KCNA3: variants seen among roughly 807,000 people sequenced by gnomAD.
KCNA3 encodes potassium voltage-gated channel subfamily A member 3.
A neutral mutation model predicts 34.3 loss-of-function variants in KCNA3; 18 were observed. The ratio of observed to expected loss-of-function variants is 0.52; its 90% CI spans 0.36 to 0.78. The LOEUF (loss-of-function observed/expected upper bound fraction) is 0.78, where lower values mean the gene tolerates loss of function less well. Ranked by LOEUF, KCNA3 falls within the 30% of genes least tolerant of loss-of-function variation. KCNA3 has a pLI of 0.00. For synonymous variants in KCNA3, 324 were observed against 351.7 expected (o/e 0.92, Z 0.88); for missense variants, 587 against 802.5 (o/e 0.73, Z 3.24).
downstream of KCNA3, among the ~76,000 whole-genome samples, chr1:110,669,462 C>T (rs536839423): frequency 7.2e-5 from 11 of 152,166 alleles, no homozygotes; most frequent in African/African-American, 2.6e-4. Context: ...ATATTTGATG[C>T]TTATATTTGG....
the KCNA3 span, among the ~76,000 whole-genome samples, chr1:110,658,617 GAA>G: frequency 4.0e-5 from 6 of 151,698 alleles, no homozygotes; most frequent in Admixed American, 3.3e-4. Context: ...TTTTTTAATT[GAA>G]AAAGAGTTCC....
chr1:110,660,295 G>A, the KCNA3 span, among the ~76,000 whole-genome samples: 61 of 152,170 alleles, frequency 4.0e-4, 1 homozygote, highest in African/African-American at 1.3e-3. Flanking sequence ...GTCCAAACCA[G>A]TGTGATAGTT....
At chr1:110,658,955 A>G in the KCNA3 span, among the ~76,000 whole-genome samples, 1 of 152,186 alleles carries the variant, frequency 6.6e-6, no homozygotes, top group African/African-American at 2.4e-5. Flanking sequence ...AAAATAAAAG[A>G]ATGTTTAATC....
Position 110,674,138 on chromosome 1 carries a change from G to T in KCNA3, c.672C>A (p.Phe224Leu). The change falls in exon 1 of 1, where the codon TTC (phenylalanine) becomes TTA (leucine). Residue 224 changes from phenylalanine (F) to leucine (L), a missense_variant. Coordinates refer to ENST00000369769, the MANE Select transcript of KCNA3 (RefSeq NM_002232.5). The surrounding 1 kb of genome is among the most constrained non-coding windows in gnomAD (Gnocchi z 6.4). ...RDFQRQVWLL[F>L]EYPESSGPAR... ...CCGGCCCGGAGCTCTCGGGGTACTC[G>T]AAGAGCAGCCACACCTGGCGCTGGA... is the stretch of plus-strand genomic sequence containing the variant. 1 of 1,612,786 alleles carries T rather than the reference G, an allele frequency of 6.2e-7. No homozygotes were observed. Among genetic ancestry groups the T allele is most frequent in the Non-Finnish European group, 8.5e-7 (1 of 1,179,462 alleles).
rs763983910 is a variant in KCNA3 at position 110,674,115 on chromosome 1, G to T, written c.695C>A (p.Pro232Gln). ...GGACACGATGGCGATGCCCCGGGCCGGCCCGGAGCTCTCGGGGTACTCGAA... is the reference window on the plus strand; with the variant it reads ...GGACACGATGGCGATGCCCCGGGCCTGCCCGGAGCTCTCGGGGTACTCGAA... ...LLFEYPESSG[P>Q]ARGIAIVSVL... The change falls in exon 1 of 1, where the codon CCG becomes CAG. Residue 232 changes from proline (P) to glutamine (Q), a missense_variant. Pro to Gln is a moderately conservative substitution (Grantham distance 76, BLOSUM62 -1). Around this residue, in one of 7 missense-constraint regions of KCNA3, gnomAD observed 341 missense variants for 355.4 expected, o/e 0.96. Transcript: ENST00000369769. This position sits in a 1 kb window ranked among gnomAD's most constrained non-coding sequence, Gnocchi z 6.4. 1.2e-6 allele frequency: 2 copies of T among 1,611,526 alleles called. No homozygotes were observed. The highest frequency in any genetic ancestry group is 4.5e-5 in the East Asian group (2 of 44,818).
At position 110,673,409 on chromosome 1, in the gene KCNA3, G is replaced by A. The variant is rs547768613; in HGVS notation, c.1401C>T (p.Ala467=). 16 of 1,614,058 alleles carry A rather than the reference G, an allele frequency of 9.9e-6. No homozygotes were observed. The East Asian group carries it at 1.1e-4, about 11-fold the overall frequency. The change falls in exon 1 of 1, where the codon GCC becomes GCT. Residue 467 remains alanine (A), a synonymous_variant. Coordinates refer to ENST00000369769, the MANE Select transcript of KCNA3 (RefSeq NM_002232.5). This position sits in a 1 kb window ranked among gnomAD's most constrained non-coding sequence, Gnocchi z 8.8. ...GKIVGSLCAI[A]GVLTIALPVP... ...CTGGCAATGCGATGGTCAAGACACC[G>A]GCGATGGCACAGAGAGATCCCACAA...
the KCNA3 span, chr1:110,654,580 G>C: frequency 4.6e-5 from 7 of 152,152 alleles, no homozygotes; most frequent in Admixed American, 1.3e-4. Flanking sequence ...TCTGTGGTCA[G>C]GGTGTGCAAA....
downstream of KCNA3, among the ~76,000 whole-genome samples, chr1:110,671,834 A>G (rs1651900462): frequency 6.6e-6 from 1 of 152,224 alleles, no homozygotes; most frequent in Non-Finnish European, 1.5e-5. Flanking sequence ...ACTGTAGAGA[A>G]GCATCTTTAA....
chr1:110,674,157 C>T lies in KCNA3; in HGVS notation c.653G>A (p.Arg218His), dbSNP rs1651990934. 1.2e-6 allele frequency: 2 copies of T among 1,613,108 alleles called. No homozygotes were observed. Among genetic ancestry groups the T allele is most frequent in the East Asian group, 4.5e-5 (2 of 44,846 alleles). Residue 218 changes from arginine (R) to histidine (H), a missense_variant, in exon 1 of 1, where the codon CGC (arginine) becomes CAC (histidine). Arg to His is a conservative substitution (Grantham distance 29). Around this residue, in one of 7 missense-constraint regions of KCNA3, gnomAD observed 341 missense variants for 355.4 expected, o/e 0.96. Transcript: ENST00000369769. This position sits in a 1 kb window ranked among gnomAD's most constrained non-coding sequence, Gnocchi z 6.4. The part of the protein sequence containing the change: ...ERPLPRRDFQ[R>H]QVWLLFEYPE... Reference sequence around the variant, plus strand: ...GTACTCGAAGAGCAGCCACACCTGGCGCTGGAAGTCGCGGCGGGGCAAGGG... The same window carrying T: ...GTACTCGAAGAGCAGCCACACCTGGTGCTGGAAGTCGCGGCGGGGCAAGGG...
chr1:110,674,793 C>T lies in KCNA3; in HGVS notation c.17G>A (p.Ser6Asn), dbSNP rs938307946. MDERL[S>N]LLRSPPPPSA... is the part of the protein sequence containing the mutation. ...GGGCGGCGGCGGCGAGCGCAGAAGGCTGAGGCGCTCGTCCATGCGGCGGGG... is the reference window on the plus strand; with the variant it reads ...GGGCGGCGGCGGCGAGCGCAGAAGGTTGAGGCGCTCGTCCATGCGGCGGGG... The change falls in exon 1 of 1, where the codon AGC becomes AAC. Residue 6 changes from serine (S) to asparagine (N), a missense_variant. By Grantham distance (46) the Ser-to-Asn change is conservative. Transcript: ENST00000369769. The surrounding 1 kb of genome is among the most constrained non-coding windows in gnomAD (Gnocchi z 6.4). 2 of 1,324,008 alleles carry T rather than the reference C, an allele frequency of 1.5e-6. No homozygotes were observed. Among genetic ancestry groups the T allele is most frequent in the Non-Finnish European group, 9.6e-7 (1 of 1,043,582 alleles). 82.0% of individuals were successfully genotyped at this position (1,324,008 alleles called of 1,614,324 possible).
the KCNA3 span, among the ~76,000 whole-genome samples, chr1:110,665,253 C>A: frequency 6.6e-6 from 1 of 152,122 alleles, no homozygotes; most frequent in Non-Finnish European, 1.5e-5. Context: ...GAGGACCAAT[C>A]GGGAGGCTAC....
chr1:110,654,246 C>T, the KCNA3 span: 4 of 152,212 alleles, frequency 2.6e-5, no homozygotes, highest in Admixed American at 2.6e-4. Context: ...TGTTATCTAA[C>T]ACTTGATAAT....
In KCNA3 at chr1:110,673,214, G is replaced by A. The variant is rs1651952222; in HGVS notation, c.1596C>T (p.Ile532=). 6.2e-7 allele frequency: 1 copy of A among 1,613,944 alleles called. No individual in the cohort carries two copies. The highest frequency in any genetic ancestry group is 1.3e-5 in the African/African-American group (1 of 74,854). Residue 532 remains isoleucine, a synonymous_variant, in exon 1 of 1, where the codon ATC becomes ATT. Coordinates refer to ENST00000369769, the MANE Select transcript of KCNA3 (RefSeq NM_002232.5). This position sits in a 1 kb window ranked among gnomAD's most constrained non-coding sequence, Gnocchi z 8.8. The stretch of plus-strand genomic sequence containing the variant: ...CGCTATGGTTCATACCCCCCTCTTC[G>A]ATCACCATATACTCCGACTTACTCA... The part of the protein sequence containing the change: ...STLSKSEYMV[I]EEGGMNHSAF...
chr1:110,660,292 C>G, the KCNA3 span, among the ~76,000 whole-genome samples: 1 of 152,146 alleles, frequency 6.6e-6, no homozygotes, highest in Non-Finnish European at 1.5e-5. Context: ...TTAGTCCAAA[C>G]CAGTGTGATA....
At chr1:110,660,088 T>A in the KCNA3 span, among the ~76,000 whole-genome samples, 9 of 152,150 alleles carry the variant, frequency 5.9e-5, no homozygotes, top group South Asian at 4.1e-4. Context: ...TATAATTTTT[T>A]AAAAAAACAG....
chr1:110,665,109 T>G, the KCNA3 span, among the ~76,000 whole-genome samples: 1 of 152,204 alleles, frequency 6.6e-6, no homozygotes, highest in Non-Finnish European at 1.5e-5. Flanking sequence ...AAGCCTTTAG[T>G]TAGTACTCTG....
chr1:110,666,183 T>C, the KCNA3 span, among the ~76,000 whole-genome samples: 1 of 152,204 alleles, frequency 6.6e-6, no homozygotes. Context: ...TCCTTACAAT[T>C]GGAAATCTTG....
chr1:110,672,905 A>C lies in KCNA3; in HGVS notation c.*177T>G, dbSNP rs188321800. On this transcript the variant is annotated 3_prime_UTR_variant, in exon 1 of 1. Transcript: ENST00000369769. ...GCTGAGAGAATGCAGCCCACTTGCA[A>C]AACAGGCACCTGTTTCAGTATGAAG... 1.2e-4 allele frequency: 79 copies of C among 637,510 alleles called. No homozygotes were observed. Among genetic ancestry groups the C allele is most frequent in the African/African-American group, 9.1e-4 (50 of 54,670 alleles). 39.5% of individuals were successfully genotyped at this position (637,510 alleles called of 1,614,324 possible).
the KCNA3 span, chr1:110,654,611 ATGTT>A: frequency 6.6e-6 from 1 of 152,162 alleles, no homozygotes; most frequent in Non-Finnish European, 1.5e-5. Context: ...TAGGTGGAAA[ATGTT>A]TGAATATCAC....
Sources: gnomAD v4.1 joint callset for allele counts (sites outside exome capture counted in the v4.1 genomes callset) on GRCh38, gnomAD v4.1.1 for gene constraint, gnomAD v4.1.1 regional missense constraint, Gnocchi (gnomAD v3.1) non-coding constraint, MANE v1.5 for transcripts, NCBI Gene and HGNC (gene_info 2026-07-23, HGNC 2026-07-21) for gene names.